The following BICRA variants were observed in gnomAD, a reference collection of about 807,000 sequenced individuals.
BICRA encodes BRD4-interacting chromatin-remodeling complex-associated protein.
BICRA carries 31 observed loss-of-function variants against 96.9 expected under a neutral mutation model. The ratio of observed to expected loss-of-function variants is 0.32; its 90% CI spans 0.24 to 0.43. The LOEUF (loss-of-function observed/expected upper bound fraction) is 0.43, where lower values mean the gene tolerates loss of function less well. Among genes scored for constraint, BICRA ranks in the 20% least tolerant of loss-of-function variants. The pLI is 1.00. For missense variants in BICRA, 2,283 were observed against 2,190.3 expected (o/e 1.04, Z -0.84); for synonymous variants, 1,350 against 1,071.8 (o/e 1.26, Z -5.07).
At chr19:47,617,065 C>T (rs1971995749) in intron 1 of BICRA, among the ~76,000 whole-genome samples, 1 of 107,734 alleles carries the variant, frequency 9.3e-6, no homozygotes, top group Admixed American at 1.1e-4. Flanking sequence ...TGGACTCAAG[C>T]AATCCACCCG....
chr19:47,694,946 C>T lies in BICRA; in HGVS notation c.2942C>T (p.Ala981Val). 1 of 1,538,284 alleles carries T rather than the reference C, an allele frequency of 6.5e-7. No homozygotes were observed. Residue 981 changes from alanine to valine, a missense_variant, in exon 9 of 15, where the codon GCC (alanine) becomes GTC (valine). By Grantham distance (64) the Ala-to-Val change is moderately conservative. Transcript: ENST00000594866. Reference sequence around the variant, plus strand: ...CAGAACAAGGCTGGGGGGGCCCCTGCCGCCCCGCAGACCTCCACCAGCCTG... The same window carrying T: ...CAGAACAAGGCTGGGGGGGCCCCTGTCGCCCCGCAGACCTCCACCAGCCTG... ...ILQNKAGGAPAAPQTSTSLGP... is the reference protein window; with the variant it reads ...ILQNKAGGAPVAPQTSTSLGP...
At chr19:47,685,786 T>TGCGCGTGCGCGCGCGCGC (rs1973143148) in intron 7 of BICRA, among the ~76,000 whole-genome samples, 1 of 117,930 alleles carries the variant, frequency 8.5e-6, no homozygotes, top group African/African-American at 3.6e-5. Flanking sequence ...TGTGTGTGTG[T>TGCGCGTGCGCGCGCGCGC]GCGCGCGCGC....
intron 1 of BICRA, among the ~76,000 whole-genome samples, chr19:47,640,976 T>G (rs1313437194): frequency 6.9e-6 from 1 of 145,426 alleles, no homozygotes; most frequent in African/African-American, 2.6e-5. Context: ...CTTGGCTCAC[T>G]GCAACATCCG....
At chr19:47,627,473 G>A (rs572208971) in intron 1 of BICRA, among the ~76,000 whole-genome samples, 6 of 152,292 alleles carry the variant, frequency 3.9e-5, no homozygotes, top group African/African-American at 9.6e-5. Flanking sequence ...AATTCAGGCC[G>A]TTTCAGACCA....
rs919479475 is a variant in BICRA at position 47,694,677 on chromosome 19, C to G, written c.2846C>G (p.Pro949Arg). The G allele has an allele frequency of 3.8e-6, 6 of 1,597,004 alleles. No homozygotes were observed. Among genetic ancestry groups the G allele is most frequent in the Non-Finnish European group, 5.1e-6 (6 of 1,168,034 alleles). The change falls in exon 8 of 15, where the codon CCC becomes CGC. Residue 949 changes from proline (P) to arginine (R), a missense_variant. Transcript: ENST00000594866. ...PPRTFQMVTT[P>R]FPALPQPKAL... ...CGGACCTTCCAGATGGTGACCACCCCCTTCCCAGCGCTGCCCCAGCCGAAG... is the reference window on the plus strand; with the variant it reads ...CGGACCTTCCAGATGGTGACCACCCGCTTCCCAGCGCTGCCCCAGCCGAAG...
intron 5 of BICRA, among the ~76,000 whole-genome samples, chr19:47,677,730 TCA>T (rs1972963157): frequency 6.6e-6 from 1 of 152,178 alleles, no homozygotes; most frequent in Non-Finnish European, 1.5e-5. Context: ...AGCATTGAAC[TCA>T]CAGTGCGGTT....
At position 47,698,949 on chromosome 19, in the gene BICRA, C is replaced by T; in HGVS notation, c.3398-16C>T. 1 of 1,558,774 alleles carries T rather than the reference C, an allele frequency of 6.4e-7. No individual in the cohort carries two copies. Among genetic ancestry groups the T allele is most frequent in the Non-Finnish European group, 8.7e-7 (1 of 1,147,898 alleles). On this transcript the variant is annotated splice_polypyrimidine_tract_variant and intron_variant, in intron 12 of 14. Transcript: ENST00000594866. This position sits in a 1 kb window ranked among gnomAD's most constrained non-coding sequence, Gnocchi z 4.8. ...CCCCAACATCTCCGCCCTTGCCTCTCTTCCCTTCCTCGCAGTGGACGAGGA... is the reference window on the plus strand; with the variant it reads ...CCCCAACATCTCCGCCCTTGCCTCTTTTCCCTTCCTCGCAGTGGACGAGGA...
At chr19:47,636,682 A>G (rs960755484) in intron 1 of BICRA, among the ~76,000 whole-genome samples, 1 of 151,796 alleles carries the variant, frequency 6.6e-6, no homozygotes, top group African/African-American at 2.4e-5. Flanking sequence ...TAATTTTTCT[A>G]TTTTTAGTAG....
chr19:47,694,204 G>GGCCAA lies in BICRA; in HGVS notation c.2373_2374insGCCAA (p.Pro792AlafsTer52). On this transcript the variant is annotated frameshift_variant, in exon 8 of 15. Coordinates refer to ENST00000594866, the MANE Select transcript of BICRA (RefSeq NM_001394372.1). LOFTEE classifies it high-confidence loss of function. ...CCCCTCTGGGGGACAGCCCCCACCTGCCCTCCCCACACCCCACCCGGCCCC... is the reference window on the plus strand; with the variant it reads ...CCCCTCTGGGGGACAGCCCCCACCTGGCCAACCCTCCCCACACCCCACCCGGCCCC... 1 of 1,119,694 alleles carries GGCCAA rather than the reference G, an allele frequency of 8.9e-7. No individual in the cohort carries two copies. The highest frequency in any genetic ancestry group is 1.1e-6 in the Non-Finnish European group (1 of 884,580). The allele number at this position is 1,119,694 out of a possible 1,614,324, so 69.4% of individuals were successfully genotyped here.
rs1371467515 is a variant in BICRA, at chr19:47,681,267, C to T, written c.2097C>T (p.Phe699=). The T allele has an allele frequency of 1.3e-6, 2 of 1,541,202 alleles. No individual in the cohort carries two copies. Among genetic ancestry groups the T allele is most frequent in the Non-Finnish European group, 1.7e-6 (2 of 1,149,264 alleles). ...TCACTCAGGACTCCCTGCAGATGTT[C>T]CTGCCCCAGGTAAGCAGGGCGGGGC... ...AILTQDSLQM[F]LPQERSQQPL... is the part of the protein sequence containing the mutation. The change falls in exon 6 of 15, where the codon TTC becomes TTT. Residue 699 remains phenylalanine, a synonymous_variant. Transcript: ENST00000594866.
At chr19:47,611,758 T>A (rs548328156) in intron 1 of BICRA, among the ~76,000 whole-genome samples, 1 of 152,308 alleles carries the variant, frequency 6.6e-6, no homozygotes, top group Non-Finnish European at 1.5e-5. Flanking sequence ...ATAGTTCCTT[T>A]AAGTGACCTG....
At chr19:47,685,032 G>A (rs763465746) in intron 7 of BICRA, among the ~76,000 whole-genome samples, 6 of 152,012 alleles carry the variant, frequency 3.9e-5, no homozygotes, top group African/African-American at 1.4e-4. Flanking sequence ...GTACACTGGT[G>A]CAATATTGAC....
At chr19:47,682,450 C>G (rs566724492) in intron 7 of BICRA, among the ~76,000 whole-genome samples, 1 of 152,186 alleles carries the variant, frequency 6.6e-6, no homozygotes, top group African/African-American at 2.4e-5. Context: ...ATTCACATTT[C>G]AAACGGTACA....
intron 11 of BICRA, 139 bp downstream of exon 11, chr19:47,696,651 C>A: frequency 1.4e-6 from 1 of 698,032 alleles, no homozygotes; most frequent in Non-Finnish European, 2.3e-6. Context: ...GATGTAGTTC[C>A]CTCATAGACC....
rs1264167653 is a variant in BICRA at position 47,680,127 on chromosome 19, G to A, written c.957G>A (p.Thr319=). Residue 319 remains threonine (T), a synonymous_variant, in exon 6 of 15, where the codon ACG becomes ACA. Coordinates refer to ENST00000594866, the MANE Select transcript of BICRA (RefSeq NM_001394372.1). ...GGGCCGCCTCGGCTCCCACCGGGAC[G>A]CCCTCGGGACAGCCGCTGGCGGTGG... ...GAGAASAPTG[T]PSGQPLAVAP... is the part of the protein sequence containing the mutation. 4 of 1,527,574 alleles carry A rather than the reference G, an allele frequency of 2.6e-6. No individual in the cohort carries two copies. Among genetic ancestry groups the A allele is most frequent in the Non-Finnish European group, 2.6e-6 (3 of 1,148,450 alleles). The allele number at this position is 1,527,574 out of a possible 1,614,324, so 94.6% of individuals were successfully genotyped here. A position where few individuals can be genotyped will look rare whatever the true frequency, so the allele number is the denominator to read the frequency against.
At chr19:47,673,068 T>A (rs536536981) in intron 2 of BICRA, among the ~76,000 whole-genome samples, 86 of 152,176 alleles carry the variant, frequency 5.7e-4, no homozygotes, top group African/African-American at 2.0e-3. Context: ...CGTTTATATG[T>A]AGGACAGACC....
intron 7 of BICRA, among the ~76,000 whole-genome samples, chr19:47,685,776 T>TGCGC (rs1206232742): frequency 3.8e-5 from 5 of 133,186 alleles, no homozygotes; most frequent in East Asian, 2.7e-4. Flanking sequence ...TGTGTGTGTG[T>TGCGC]GTGTGTGTGT....
chr19:47,674,975 T>C (rs1480153349), intron 4 of BICRA, among the ~76,000 whole-genome samples: 1 of 152,094 alleles, frequency 6.6e-6, no homozygotes, highest in Non-Finnish European at 1.5e-5. Flanking sequence ...TCAAATAATT[T>C]ATAGAGCAGA....
intron 7 of BICRA, among the ~76,000 whole-genome samples, chr19:47,685,475 CAGAT>C: frequency 6.6e-6 from 1 of 152,214 alleles, no homozygotes; most frequent in East Asian, 1.9e-4. Context: ...AATGGATGGA[CAGAT>C]GGATGGCTGA....
Sources: gnomAD v4.1 joint callset for allele counts (sites outside exome capture counted in the v4.1 genomes callset) on GRCh38, gnomAD v4.1.1 for gene constraint, Gnocchi (gnomAD v3.1) non-coding constraint, MANE v1.5 for transcripts, NCBI Gene and HGNC (gene_info 2026-07-23, HGNC 2026-07-21) for gene names.